Variants in BRAP observed in about 807,000 individuals in gnomAD.
BRAP encodes the protein BRCA1-associated protein.
A neutral mutation model predicts 73.4 loss-of-function variants in BRAP; 42 were observed. That is an observed-to-expected ratio of 0.57 (90% CI 0.45 to 0.74). The LOEUF is 0.74. Among genes scored for constraint, BRAP ranks in the 30% least tolerant of loss-of-function variants. The pLI, the probability that BRAP is intolerant of heterozygous loss-of-function variation, is 0.00. For synonymous variants in BRAP, 255 were observed against 267.4 expected (o/e 0.95, Z 0.45); for missense variants, 593 against 751.4 (o/e 0.79, Z 2.46).
rs531690267 is a variant in BRAP, at chr12:111,669,375, C to T, written c.747+3286G>A. Among the ~76,000 whole-genome samples the T allele has an allele frequency of 1.2e-3, 188 of 152,110 alleles. 1 individual carries two copies. Among genetic ancestry groups the T allele is most frequent in the South Asian group, 4.4e-3 (21 of 4,818 alleles). ...CTGAGTAGCTAGGATTACAGGCATA[C>T]GCCACCATGCCTGGCTAATTTTGTA... On this transcript the variant is annotated intron_variant, in intron 5 of 11. Coordinates refer to ENST00000419234, the MANE Select transcript of BRAP (RefSeq NM_006768.5).
chr12:111,674,462 C>T (rs112900983), intron 4 of BRAP, among the ~76,000 whole-genome samples: 13 of 152,284 alleles, frequency 8.5e-5, no homozygotes, highest in African/African-American at 2.9e-4. Context: ...AGGCTCGTCT[C>T]GAACTCCTGA....
intron 4 of BRAP, among the ~76,000 whole-genome samples, chr12:111,676,231 G>A (rs966525784): frequency 6.6e-6 from 1 of 152,070 alleles, no homozygotes; most frequent in Non-Finnish European, 1.5e-5. Flanking sequence ...AATTACCAAA[G>A]ATAAAGAGAA....
intron 7 of BRAP, among the ~76,000 whole-genome samples, chr12:111,659,585 T>C (rs555161632): frequency 1.3e-5 from 2 of 151,936 alleles, no homozygotes; most frequent in East Asian, 3.9e-4. Context: ...ACCCAGGAGG[T>C]GGAGGTTGCA....
In BRAP at chr12:111,659,320, C is replaced by T; in HGVS notation, c.998G>A (p.Gly333Asp). Residue 333 changes from glycine (G) to aspartate (D), a missense_variant, in exon 8 of 12, where the codon GGC becomes GAC. Physicochemically the swap from Gly to Asp is moderately conservative, Grantham distance 94. Around this residue, in one of 4 missense-constraint regions of BRAP, gnomAD observed 67 missense variants for 158.0 expected, o/e 0.42. Coordinates refer to ENST00000419234, the MANE Select transcript of BRAP (RefSeq NM_006768.5). ...QENLWICLICGHIGCGRYVSR... is the reference protein window; with the variant it reads ...QENLWICLICDHIGCGRYVSR... ...GACATACCGTCCACATCCTATGTGG[C>T]CGCATATTAAACAAATCCAAAGATT... The T allele has an allele frequency of 6.2e-7, 1 of 1,613,118 alleles. No individual in the cohort carries two copies. Among genetic ancestry groups the T allele is most frequent in the Non-Finnish European group, 8.5e-7 (1 of 1,179,524 alleles).
intron 10 of BRAP, among the ~76,000 whole-genome samples, chr12:111,650,717 C>T (rs1297842529): frequency 6.6e-6 from 1 of 152,136 alleles, no homozygotes; most frequent in South Asian, 2.1e-4. Context: ...TTTGTGGAGA[C>T]AAACATTGGT....
At chr12:111,682,919 TC>T (rs911566429) in intron 2 of BRAP, among the ~76,000 whole-genome samples, 3 of 149,562 alleles carry the variant, frequency 2.0e-5, no homozygotes, top group Non-Finnish European at 4.5e-5. Flanking sequence ...AAAAAAAAAG[TC>T]CCCCCCGTCA....
chr12:111,656,144 G>T lies in BRAP; in HGVS notation c.1222-489C>A, dbSNP rs537363106. On this transcript the variant is annotated intron_variant, in intron 9 of 11. Transcript: ENST00000419234. ...GGACTGTGAACTCTTTGAAAGCAAG[G>T]GTTATATCTCTACTGCTGTATCTCC... Among the ~76,000 whole-genome samples the T allele has an allele frequency of 2.6e-5, 4 of 152,296 alleles. No individual in the cohort carries two copies. In the South Asian group the frequency reaches 8.3e-4, roughly 32 times the overall value.
At chr12:111,670,413 A>C in intron 5 of BRAP, 1 of 356,904 alleles carries the variant, frequency 2.8e-6, no homozygotes, top group Admixed American at 3.9e-5. Flanking sequence ...ATTTCACCTA[A>C]TCAAATGCTA....
intron 4 of BRAP, among the ~76,000 whole-genome samples, chr12:111,677,464 T>C (rs192022768): frequency 1.2e-4 from 19 of 152,338 alleles, no homozygotes; most frequent in Admixed American, 6.5e-4. Context: ...TGTCTAGCTA[T>C]GTAACCTTGG....
At position 111,683,051 on chromosome 12, in the gene BRAP, A is replaced by G; in HGVS notation, c.244+95T>C. The G allele has an allele frequency of 1.5e-6, 2 of 1,353,448 alleles. 1 individual carries two copies. Among genetic ancestry groups the G allele is most frequent in the South Asian group, 2.8e-5 (2 of 70,918 alleles). The allele number at this position is 1,353,448 out of a possible 1,614,324, so 83.8% of individuals were successfully genotyped here. Reference sequence around the variant, plus strand: ...ACGTAGTGAAAGACAAAAGTATGCTAGATGTTGAAATTGTAGGCTCATCAA... The same window carrying G: ...ACGTAGTGAAAGACAAAAGTATGCTGGATGTTGAAATTGTAGGCTCATCAA... On this transcript the variant is annotated intron_variant, in intron 2 of 11. Transcript: ENST00000419234.
At chr12:111,647,531 G>C (rs976300224) in intron 11 of BRAP, among the ~76,000 whole-genome samples, 1 of 152,172 alleles carries the variant, frequency 6.6e-6, no homozygotes, top group African/African-American at 2.4e-5. Context: ...TAGATAGCAG[G>C]ATCTAGAGGG....
chr12:111,669,700 C>T (rs1200584933), intron 5 of BRAP, among the ~76,000 whole-genome samples: 2 of 152,030 alleles, frequency 1.3e-5, no homozygotes, highest in African/African-American at 4.8e-5. Context: ...ATTTTGAACC[C>T]TAACTTATTA....
At chr12:111,685,583 A>G (rs1297953565) in intron 1 of BRAP, 128 bp downstream of exon 1, 20 of 1,378,556 alleles carry the variant, frequency 1.5e-5, no homozygotes, top group Non-Finnish European at 1.9e-5. Context: ...AGGGATCCCG[A>G]TTACCTCTCC....
rs574588334 is a variant in BRAP, at chr12:111,671,967, G to A, written c.747+694C>T. ...CCCAACTCCTGTGCTCAAGCGATCC[G>A]TCACCTCAGCCTCCCAAAGAGCTGG... On this transcript the variant is annotated intron_variant, in intron 5 of 11. Transcript: ENST00000419234. Among the ~76,000 whole-genome samples the A allele has an allele frequency of 1.3e-4, 20 of 152,140 alleles. 1 individual carries two copies. The highest frequency in any genetic ancestry group is 4.1e-4 in the African/African-American group (17 of 41,522).
intron 8 of BRAP, 27 bp downstream of exon 8, chr12:111,659,180 C>T: frequency 6.2e-7 from 1 of 1,606,386 alleles, no homozygotes; most frequent in Non-Finnish European, 8.5e-7. Context: ...AGAATGAGTC[C>T]AAATTAGAAA....
At chr12:111,652,649 G>C (rs2135898835) in intron 10 of BRAP, among the ~76,000 whole-genome samples, 1 of 152,342 alleles carries the variant, frequency 6.6e-6, no homozygotes, top group East Asian at 1.9e-4. Context: ...GGCCGTGGCA[G>C]AAGGTTTGCT....
intron 2 of BRAP, among the ~76,000 whole-genome samples, chr12:111,682,520 AAAAG>A (rs1341240490): frequency 2.0e-5 from 3 of 146,494 alleles, no homozygotes; most frequent in African/African-American, 5.1e-5. Context: ...AAAAAAAAAG[AAAAG>A]AAAGAAAGAA....
chr12:111,659,102 G>A, intron 8 of BRAP, 105 bp downstream of exon 8: 1 of 1,392,612 alleles, frequency 7.2e-7, no homozygotes, highest in Non-Finnish European at 9.8e-7. Flanking sequence ...GTTTGCAACA[G>A]CTGTCAAAAG....
Position 111,644,196 on chromosome 12 carries a change from A to G in BRAP, c.*3T>C. 1.2e-6 allele frequency: 2 copies of G among 1,607,484 alleles called. No homozygotes were observed. The highest frequency in any genetic ancestry group is 8.5e-7 in the Non-Finnish European group (1 of 1,178,840). The stretch of plus-strand genomic sequence containing the variant: ...GTCTCAGGGATGTCTGTTGCTCTGA[A>G]GGTCACTTGCCCCTCTTGCTGCGGC... On this transcript the variant is annotated 3_prime_UTR_variant, in exon 12 of 12. Transcript: ENST00000419234.
Sources: gnomAD v4.1 joint callset for allele counts (sites outside exome capture counted in the v4.1 genomes callset) on GRCh38, gnomAD v4.1.1 for gene constraint, gnomAD v4.1.1 regional missense constraint, MANE v1.5 for transcripts, NCBI Gene and HGNC (gene_info 2026-07-23, HGNC 2026-07-21) for gene names.